Variants in TRA2B observed in about 807,000 individuals in gnomAD.
TRA2B encodes transformer-2 protein homolog beta.
In TRA2B, 14 loss-of-function variants were observed where a neutral mutation model predicts 41.7. The observed-to-expected ratio is 0.34, with a 90% CI of 0.22 to 0.53. The LOEUF (loss-of-function observed/expected upper bound fraction) is 0.53. TRA2B is among the 20% of genes least tolerant of loss of function. The pLI, the probability that TRA2B is intolerant of heterozygous loss-of-function variation, is 0.95. For missense variants in TRA2B, 167 were observed against 396.8 expected, an observed-to-expected ratio of 0.42 and a Z score of 4.92; for synonymous variants, 130 against 128.8, an observed-to-expected ratio of 1.01 and a Z score of -0.06.
chr3:185,931,998 CTG>C, intron 1 of TRA2B: 1 of 526,166 alleles, frequency 1.9e-6, no homozygotes, highest in African/African-American at 2.0e-5. Flanking sequence ...GCTCAAAAAA[CTG>C]AAAACTACAT....
chr3:185,928,833 GGTCAA>G (rs1433117434), intron 1 of TRA2B: 1 of 152,110 alleles, frequency 6.6e-6, no homozygotes, highest in African/African-American at 2.4e-5. Flanking sequence ...AGGAAGAATG[GGTCAA>G]GTCAAGATCC....
Position 185,919,487 on chromosome 3 carries a change from ACCT to A in TRA2B, c.729_731del (p.Gly249del). On this transcript the variant is annotated inframe_deletion, in exon 7 of 9. Coordinates refer to ENST00000453386, the MANE Select transcript of TRA2B (RefSeq NM_004593.3). Reference sequence around the variant, plus strand: ...CAGCTCTCCATCCTCCTCCTCCTCCACCTCCTCCTCTGTGAAGACAGAAAGGCA... The same window carrying A: ...CAGCTCTCCATCCTCCTCCTCCTCCACCTCCTCTGTGAAGACAGAAAGGCA... 1 of 1,611,830 alleles carries A rather than the reference ACCT, an allele frequency of 6.2e-7. No individual in the cohort carries two copies. Among genetic ancestry groups the A allele is most frequent in the Non-Finnish European group, 8.5e-7 (1 of 1,179,206 alleles).
At position 185,925,409 on chromosome 3, in the gene TRA2B, T is replaced by G. The variant is rs1578478500; in HGVS notation, c.333+55A>C. The G allele has an allele frequency of 3.1e-6, 5 of 1,587,456 alleles. No homozygotes were observed. The African/African-American group carries it at 6.8e-5, about 21-fold the overall frequency. On this transcript the variant is annotated intron_variant, in intron 3 of 8. Transcript: ENST00000453386. ...CTATTGTCAAAATCAGCTCTAACTT[T>G]AAGAAAAAGTAAATTTAGGCAGTTG...
chr3:185,918,315 AG>A, intron 8 of TRA2B, 49 bp downstream of exon 8: 1 of 1,366,746 alleles, frequency 7.3e-7, no homozygotes, highest in African/African-American at 1.4e-5. Flanking sequence ...CACTGTCATC[AG>A]AGCAAGCCAT....
At chr3:185,923,595 A>C in intron 4 of TRA2B, 1 of 432,346 alleles carries the variant, frequency 2.3e-6, no homozygotes, top group Non-Finnish European at 4.0e-6. Context: ...GTGGCAACTA[A>C]TAAAGCAGGT....
chr3:185,925,409 T>TAAGAA, intron 3 of TRA2B, 55 bp downstream of exon 3: 1 of 1,587,574 alleles, frequency 6.3e-7, no homozygotes, highest in East Asian at 2.3e-5. Context: ...GCTCTAACTT[T>TAAGAA]AAGAAAAAGT....
intron 1 of TRA2B, chr3:185,936,351 A>G: frequency 1.0e-6 from 1 of 985,446 alleles, no homozygotes. Flanking sequence ...CAAGAAAGCA[A>G]GAACTTAAAA....
rs1332015865 is a variant in TRA2B at position 185,917,473 on chromosome 3, CTG to C, written c.*240_*241del. The stretch of plus-strand genomic sequence containing the variant: ...AACTTCTCAGCAGTCAAAATTTAGA[CTG>C]TAAAAAAATACATGCAAAACATACT... On this transcript the variant is annotated 3_prime_UTR_variant, in exon 9 of 9. Coordinates refer to ENST00000453386, the MANE Select transcript of TRA2B (RefSeq NM_004593.3). 11 of 465,024 alleles carry C rather than the reference CTG, an allele frequency of 2.4e-5. No individual in the cohort carries two copies. Among genetic ancestry groups the C allele is most frequent in the Non-Finnish European group, 3.9e-5 (10 of 258,210 alleles). The allele number at this position is 465,024 out of a possible 1,614,324, so 28.8% of individuals were successfully genotyped here.
Position 185,935,760 on chromosome 3 carries a change from G to A in TRA2B, c.36+2065C>T, listed in dbSNP as rs550276032. 4 of 985,418 alleles carry A rather than the reference G, an allele frequency of 4.1e-6. No individual in the cohort carries two copies. In the South Asian group the frequency reaches 1.4e-4, roughly 35 times the overall value. The allele number at this position is 985,418 out of a possible 1,614,324, so 61.0% of individuals were successfully genotyped here. A position where few individuals can be genotyped will look rare whatever the true frequency, so the allele number is the denominator to read the frequency against. On this transcript the variant is annotated intron_variant, in intron 1 of 8. Coordinates refer to ENST00000453386, the MANE Select transcript of TRA2B (RefSeq NM_004593.3). ...GCTTGCTTTGGAAGCCTAGACACGT[G>A]TTTGATTCAGGTGTATTCCAACCCT...
chr3:185,931,878 G>A lies in TRA2B; in HGVS notation c.37-5144C>T, dbSNP rs144330881. The stretch of plus-strand genomic sequence containing the variant: ...CTTAATAGAAAAAGAACAGGATGAA[G>A]AATATTTTAAAACTCCAGGATAAAA... On this transcript the variant is annotated intron_variant, in intron 1 of 8. Coordinates refer to ENST00000453386, the MANE Select transcript of TRA2B (RefSeq NM_004593.3). 9.5e-3 allele frequency: 12,618 copies of A among 1,324,624 alleles called. 70 individuals carry two copies. Among genetic ancestry groups the A allele is most frequent in the South Asian group, 0.018 (893 of 49,146 alleles). The allele number at this position is 1,324,624 out of a possible 1,614,324, so 82.1% of individuals were successfully genotyped here. A position where few individuals can be genotyped will look rare whatever the true frequency, so the allele number is the denominator to read the frequency against.
intron 1 of TRA2B, chr3:185,936,899 C>CA: frequency 1.0e-6 from 1 of 985,394 alleles, no homozygotes. Context: ...AATCAACCCT[C>CA]ACTGAACACC....
chr3:185,936,042 C>T (rs1212044885), intron 1 of TRA2B: 1 of 985,260 alleles, frequency 1.0e-6, no homozygotes, highest in African/African-American at 1.7e-5. Context: ...AAACTGGAAC[C>T]TAGTTTCAAT....
rs112847425 is a variant in TRA2B, at chr3:185,920,211, A to G, written c.723-715T>C. 1.1e-4 allele frequency among the ~76,000 whole-genome samples: 16 copies of G among 152,352 alleles called. 1 individual carries two copies. The highest frequency in any genetic ancestry group is 2.9e-4 in the African/African-American group (12 of 41,586). ...TTCTCTGGACTCTTTCAAGGCATCC[A>G]TTTTACCTGCCCTCAGTGTACGATG... On this transcript the variant is annotated intron_variant, in intron 6 of 8. Transcript: ENST00000453386.
At chr3:185,920,388 G>C (rs567402687) in intron 6 of TRA2B, among the ~76,000 whole-genome samples, 145 of 152,176 alleles carry the variant, frequency 9.5e-4, no homozygotes, top group African/African-American at 3.4e-3. Flanking sequence ...TCTTGCTCTG[G>C]GGGAGGAGAC....
chr3:185,935,982 T>C (rs376449725), intron 1 of TRA2B: 5 of 985,278 alleles, frequency 5.1e-6, no homozygotes, highest in Middle Eastern at 5.2e-4. Context: ...CTTTTACTAG[T>C]AAAAAGATAA....
intron 1 of TRA2B, chr3:185,928,739 T>C (rs1193415354): frequency 3.3e-5 from 5 of 152,224 alleles, no homozygotes; most frequent in Admixed American, 6.5e-5. Flanking sequence ...AAGCAGAATA[T>C]GGGTGTTTCA....
At chr3:185,934,506 C>G in intron 1 of TRA2B, 1 of 985,348 alleles carries the variant, frequency 1.0e-6, no homozygotes, top group Non-Finnish European at 1.2e-6. Flanking sequence ...TTAAAGCATT[C>G]TTGTTTAAAA....
intron 5 of TRA2B, among the ~76,000 whole-genome samples, chr3:185,921,395 A>G (rs1306059140): frequency 6.6e-6 from 1 of 152,226 alleles, no homozygotes; most frequent in Non-Finnish European, 1.5e-5. Context: ...GGAGGCACAC[A>G]GATCCTGCCA....
chr3:185,921,656 C>A (rs148430298), intron 5 of TRA2B, among the ~76,000 whole-genome samples: 3 of 151,946 alleles, frequency 2.0e-5, no homozygotes, highest in Non-Finnish European at 4.4e-5. Flanking sequence ...CCCAGCTACT[C>A]GGGAGGCTGA....
Sources: gnomAD v4.1 joint callset for allele counts (sites outside exome capture counted in the v4.1 genomes callset) on GRCh38, gnomAD v4.1.1 for gene constraint, MANE v1.5 for transcripts, NCBI Gene and HGNC (gene_info 2026-07-23, HGNC 2026-07-21) for gene names.